PGBD2: variants seen among roughly 807,000 people sequenced by gnomAD.
PGBD2 encodes the protein piggyBac transposable element derived 2, also known as piggyBac transposable element-derived protein 2.
PGBD2 carries 6 observed loss-of-function variants against 8.1 expected under a neutral mutation model. The ratio of observed to expected loss-of-function variants is 0.74; its 90% CI spans 0.40 to 1.46. The LOEUF is 1.46. PGBD2 is among the 40% of genes most tolerant of loss of function. PGBD2 has a pLI of 0.02. For missense variants in PGBD2, 802 were observed against 739.0 expected (o/e 1.09, Z -0.99); for synonymous variants, 318 against 272.2 (o/e 1.17, Z -1.66).
rs770531058 is a variant in PGBD2, at chr1:248,917,440, A to G, written c.856A>G (p.Arg286Gly). The G allele has an allele frequency of 9.3e-6, 15 of 1,613,972 alleles. No homozygotes were observed. Among genetic ancestry groups the G allele is most frequent in the Middle Eastern group, 1.6e-4 (1 of 6,084 alleles). ...FGHRGSKQLH[R>G]GKPVRLGYKI... ...GCACCGGGGGTCCAAGCAGCTGCAC[A>G]GGGGGAAGCCTGTGCGACTTGGCTA... is the stretch of plus-strand genomic sequence containing the variant. The change falls in exon 3 of 3, where the codon AGG (arginine) becomes GGG (glycine). Residue 286 changes from arginine (R) to glycine (G), a missense_variant. Arg to Gly is a moderately radical substitution (Grantham distance 125). Transcript: ENST00000329291.
At chr1:248,893,894 A>G in the PGBD2 span, among the ~76,000 whole-genome samples, 1 of 152,176 alleles carries the variant, frequency 6.6e-6, no homozygotes, top group Admixed American at 6.5e-5. Context: ...TACATCTTTG[A>G]CAACATTCTT....
rs1377871352 is a variant in PGBD2 at position 248,918,465 on chromosome 1, T to A, written c.*102T>A. On this transcript the variant is annotated 3_prime_UTR_variant, in exon 3 of 3. Transcript: ENST00000329291. ...TTGTGTTGGAAAAAAGACCTGAATT[T>A]CTAATGACTTGATTTTCTATTTTCT... 8.5e-7 allele frequency: 1 copy of A among 1,181,008 alleles called. No homozygotes were observed. The highest frequency in any genetic ancestry group is 1.2e-6 in the Non-Finnish European group (1 of 858,698). 73.2% of individuals were successfully genotyped at this position (1,181,008 alleles called of 1,614,324 possible).
the PGBD2 span, among the ~76,000 whole-genome samples, chr1:248,877,425 C>T: frequency 4.6e-5 from 7 of 152,116 alleles, no homozygotes; most frequent in East Asian, 3.8e-4. Flanking sequence ...GCCTCACCAG[C>T]GGCTGGGACT....
the PGBD2 span, among the ~76,000 whole-genome samples, chr1:248,926,597 G>A: frequency 6.6e-6 from 1 of 152,186 alleles, no homozygotes; most frequent in Non-Finnish European, 1.5e-5. Context: ...GTTCCAGAAA[G>A]CTAAATGCCT....
chr1:248,914,743 C>T (rs535103248), intron 2 of PGBD2, among the ~76,000 whole-genome samples: 211 of 152,312 alleles, frequency 1.4e-3, no homozygotes, highest in African/African-American at 4.9e-3. Flanking sequence ...TATGATTCCT[C>T]ACTACCCTGT....
At chr1:248,916,163 CA>C (rs1426586147) in intron 2 of PGBD2, among the ~76,000 whole-genome samples, 2 of 152,194 alleles carry the variant, frequency 1.3e-5, no homozygotes, top group Non-Finnish European at 2.9e-5. Context: ...CCTGTAATCC[CA>C]GCACTTTGGG....
In PGBD2 at chr1:248,917,631, T is replaced by G. The variant is rs766362094; in HGVS notation, c.1047T>G (p.Phe349Leu). 7 of 1,614,232 alleles carry G rather than the reference T, an allele frequency of 4.3e-6. No homozygotes were observed. Among genetic ancestry groups the G allele is most frequent in the Non-Finnish European group, 5.9e-6 (7 of 1,180,044 alleles). Residue 349 changes from phenylalanine (F) to leucine (L), a missense_variant, in exon 3 of 3, where the codon TTT (phenylalanine) becomes TTG (leucine). Physicochemically the swap from Phe to Leu is conservative, Grantham distance 22. Transcript: ENST00000329291. Reference protein sequence around the residue: ...QERGFLPYHIFFDKVFTSVKL... With the variant: ...QERGFLPYHILFDKVFTSVKL... Reference sequence around the variant, plus strand: ...GTGGTTTTCTGCCATATCACATATTTTTTGACAAGGTTTTCACAAGTGTTA... The same window carrying G: ...GTGGTTTTCTGCCATATCACATATTGTTTGACAAGGTTTTCACAAGTGTTA...
chr1:248,883,844 G>A, the PGBD2 span, among the ~76,000 whole-genome samples: 2 of 151,690 alleles, frequency 1.3e-5, no homozygotes, highest in African/African-American at 2.4e-5. Context: ...TGATCCGCCC[G>A]CCTCGGCCTC....
chr1:248,900,590 C>A, the PGBD2 span, among the ~76,000 whole-genome samples: 1 of 151,950 alleles, frequency 6.6e-6, no homozygotes, highest in Non-Finnish European at 1.5e-5. Context: ...AAGAAAATAC[C>A]TCAAAATAAT....
downstream of PGBD2, among the ~76,000 whole-genome samples, chr1:248,922,205 G>A (rs370584455): frequency 3.4e-4 from 51 of 151,892 alleles, no homozygotes; most frequent in East Asian, 2.5e-3. Context: ...GACCACAGGC[G>A]CCCGCCACCA....
the PGBD2 span, among the ~76,000 whole-genome samples, chr1:248,894,290 T>G: frequency 9.9e-5 from 15 of 151,602 alleles, no homozygotes; most frequent in African/African-American, 1.7e-4. Flanking sequence ...TTTTTTGTGG[T>G]TTTTTTTGCC....
chr1:248,926,217 T>C, the PGBD2 span, among the ~76,000 whole-genome samples: 1 of 152,266 alleles, frequency 6.6e-6, no homozygotes, highest in Non-Finnish European at 1.5e-5. Context: ...CATCACTTGA[T>C]GCCACTCACA....
At chr1:248,894,987 T>A in the PGBD2 span, among the ~76,000 whole-genome samples, 1 of 152,090 alleles carries the variant, frequency 6.6e-6, no homozygotes, top group African/African-American at 2.4e-5. Context: ...TTAATTTTTT[T>A]AGAGATGGGA....
chr1:248,923,233 G>A (rs1662321737), downstream of PGBD2, among the ~76,000 whole-genome samples: 1 of 152,160 alleles, frequency 6.6e-6, no homozygotes, highest in African/African-American at 2.4e-5. Context: ...AGATTTTCTA[G>A]TTTATTTGCA....
chr1:248,910,112 C>G (rs763283293), intron 1 of PGBD2, among the ~76,000 whole-genome samples: 1 of 152,186 alleles, frequency 6.6e-6, no homozygotes, highest in Non-Finnish European at 1.5e-5. Context: ...CTTCTTGACC[C>G]AAACCTGGCT....
At chr1:248,914,594 C>T (rs1024735681) in intron 2 of PGBD2, 1 of 1,288,972 alleles carries the variant, frequency 7.8e-7, no homozygotes. Context: ...GTAAATCCTG[C>T]ATCCTTCTGT....
downstream of PGBD2, among the ~76,000 whole-genome samples, chr1:248,923,146 G>T (rs774874560): frequency 2.0e-5 from 3 of 152,186 alleles, no homozygotes; most frequent in Non-Finnish European, 4.4e-5. Flanking sequence ...CTTGATATTG[G>T]TTTATTCAGG....
In PGBD2 at chr1:248,918,265, AC is replaced by A. The variant is rs1336450224; in HGVS notation, c.1684del (p.Arg562GlyfsTer67). The A allele has an allele frequency of 1.2e-6, 2 of 1,612,016 alleles. No individual in the cohort carries two copies. The highest frequency in any genetic ancestry group is 1.7e-6 in the Non-Finnish European group (2 of 1,178,946). ...CTGGATTATCCATCAGGACAAGAGG[AC>A]CCGGTGTGCCCTCTGCCACTCACAG... ...GHWIIHQDKR[T>X]RCALCHSQTN... On this transcript the variant is annotated frameshift_variant, in exon 3 of 3. Coordinates refer to ENST00000329291, the MANE Select transcript of PGBD2 (RefSeq NM_170725.3). LOFTEE classifies it high-confidence loss of function.
intron 1 of PGBD2, among the ~76,000 whole-genome samples, chr1:248,912,502 C>T (rs927983525): frequency 1.3e-5 from 2 of 152,112 alleles, no homozygotes; most frequent in South Asian, 2.1e-4. Context: ...GCATTGACAT[C>T]GGTAAAAATG....
Sources: gnomAD v4.1 joint callset for allele counts (sites outside exome capture counted in the v4.1 genomes callset) on GRCh38, gnomAD v4.1.1 for gene constraint, MANE v1.5 for transcripts, NCBI Gene and HGNC (gene_info 2026-07-23, HGNC 2026-07-21) for gene names.